Variants in ITGB3 observed in about 807,000 individuals in gnomAD.
The protein encoded by ITGB3 is integrin subunit beta 3, also known as integrin beta-3.
ITGB3 carries 48 observed loss-of-function variants against 85.8 expected under a neutral mutation model. The ratio of observed to expected loss-of-function variants is 0.56; its 90% CI spans 0.44 to 0.71. ITGB3 has a LOEUF of 0.71. Among genes scored for constraint, ITGB3 ranks in the 30% least tolerant of loss-of-function variants. ITGB3 has a pLI of 0.00. For missense variants in ITGB3, 861 were observed against 1,019.1 expected (o/e 0.84, Z 2.11); for synonymous variants, 363 against 395.6 (o/e 0.92, Z 0.98).
In ITGB3 at chr17:47,304,231, C is replaced by T. The variant is rs550569519; in HGVS notation, c.2134+1391C>T. On this transcript the variant is annotated intron_variant, in intron 13 of 14. Transcript: ENST00000559488. The stretch of plus-strand genomic sequence containing the variant: ...GTTGTTGCTCTGGAATTCTAGGCTC[C>T]GCCTCCCTGCTCATCTCCCAGCTCC... Among the ~76,000 whole-genome samples the T allele has an allele frequency of 5.1e-4, 78 of 152,300 alleles. 1 individual carries two copies. In the Middle Eastern group the frequency reaches 0.02, roughly 40 times the overall value.
rs1302899497 is a variant in ITGB3 at position 47,261,022 on chromosome 17, C to T, written c.79+7082C>T. ...CAGCAATTTTCAGGTAGATGACATA[C>T]GGTTATTAACTATAGTCACCATGTT... On this transcript the variant is annotated intron_variant, in intron 1 of 14. Coordinates refer to ENST00000559488, the MANE Select transcript of ITGB3 (RefSeq NM_000212.3). Among the ~76,000 whole-genome samples, 10 of 152,256 alleles carry T rather than the reference C, an allele frequency of 6.6e-5. No individual in the cohort carries two copies. The East Asian group carries it at 1.5e-3, about 23-fold the overall frequency.
At chr17:47,309,702 T>C (rs1294846583) in intron 14 of ITGB3, among the ~76,000 whole-genome samples, 1 of 151,854 alleles carries the variant, frequency 6.6e-6, no homozygotes, top group African/African-American at 2.4e-5. Context: ...GAGACCAGCC[T>C]GGGCAACATG....
chr17:47,277,160 A>G (rs1345412213), intron 2 of ITGB3, among the ~76,000 whole-genome samples: 1 of 152,078 alleles, frequency 6.6e-6, no homozygotes, highest in Non-Finnish European at 1.5e-5. Flanking sequence ...TCTGGTCCAT[A>G]AATCTAGCAA....
chr17:47,295,209 G>A (rs1246949333), intron 10 of ITGB3, among the ~76,000 whole-genome samples: 3 of 152,160 alleles, frequency 2.0e-5, no homozygotes, highest in African/African-American at 4.8e-5. Context: ...CCACTGGAGC[G>A]AGACTTGACT....
At chr17:47,255,645 C>T (rs924233351) in intron 1 of ITGB3, among the ~76,000 whole-genome samples, 1 of 152,100 alleles carries the variant, frequency 6.6e-6, no homozygotes, top group Non-Finnish European at 1.5e-5. Flanking sequence ...TGATCTCGAT[C>T]TCTTGACCCC....
chr17:47,280,079 G>T (rs963377507), intron 2 of ITGB3: 1 of 152,260 alleles, frequency 6.6e-6, no homozygotes, highest in Non-Finnish European at 1.5e-5. Context: ...CCCTGTTGGA[G>T]TATTTGCCAC....
chr17:47,285,323 A>G (rs1302079755), intron 4 of ITGB3, among the ~76,000 whole-genome samples: 2 of 152,216 alleles, frequency 1.3e-5, no homozygotes, highest in Non-Finnish European at 2.9e-5. Context: ...TTAGTTTTCA[A>G]AGTTACGGCC....
chr17:47,265,809 A>C (rs1406462068), intron 1 of ITGB3, among the ~76,000 whole-genome samples: 1 of 152,202 alleles, frequency 6.6e-6, no homozygotes, highest in Non-Finnish European at 1.5e-5. Context: ...AAACAGTTTT[A>C]AATCTCTAAA....
In ITGB3 at chr17:47,313,034, C is replaced by T. The variant is rs1456536209; in HGVS notation, c.*2830C>T. Among the ~76,000 whole-genome samples, 1 of 152,166 alleles carries T rather than the reference C, an allele frequency of 6.6e-6. No individual in the cohort carries two copies. Among genetic ancestry groups the T allele is most frequent in the African/African-American group, 2.4e-5 (1 of 41,432 alleles). ...TGTTGCCCAAGCTGGAATGCAATGG[C>T]AAGATCTCAGTTCACTGCAATCTCT... is the stretch of plus-strand genomic sequence containing the variant. On this transcript the variant is annotated 3_prime_UTR_variant, in exon 15 of 15. Transcript: ENST00000559488.
At chr17:47,270,738 C>G (rs2065041432) in intron 1 of ITGB3, among the ~76,000 whole-genome samples, 1 of 152,076 alleles carries the variant, frequency 6.6e-6, no homozygotes, top group Non-Finnish European at 1.5e-5. Flanking sequence ...TAAAGGCATC[C>G]CACTTGTAGA....
intron 4 of ITGB3, among the ~76,000 whole-genome samples, chr17:47,285,402 A>T (rs2065098895): frequency 6.6e-6 from 1 of 152,160 alleles, no homozygotes; most frequent in East Asian, 1.9e-4. Flanking sequence ...ACTTGAGCCT[A>T]GGAGTTTGAG....
At chr17:47,263,716 C>T (rs979541488) in intron 1 of ITGB3, among the ~76,000 whole-genome samples, 5 of 152,194 alleles carry the variant, frequency 3.3e-5, no homozygotes, top group Non-Finnish European at 5.9e-5. Context: ...TCTTGAACTC[C>T]TGACCTCAGG....
intron 9 of ITGB3, chr17:47,291,635 G>A: frequency 3.5e-6 from 1 of 282,500 alleles, no homozygotes; most frequent in South Asian, 4.3e-5. Flanking sequence ...TGTCTCTCAG[G>A]CACTTGTGCA....
intron 3 of ITGB3, 144 bp downstream of exon 3, chr17:47,283,693 A>G: frequency 1.3e-6 from 1 of 768,248 alleles, no homozygotes; most frequent in Non-Finnish European, 2.2e-6. Flanking sequence ...GGTGTGGGCA[A>G]GAGAATGGAA....
At chr17:47,300,340 C>CGTGTGTGTGTGTGT (rs781123948) in intron 11 of ITGB3, 138 bp from the exon 12 acceptor site, 65 of 508,274 alleles carry the variant, frequency 1.3e-4, no homozygotes, top group African/African-American at 4.7e-4. Context: ...TACAGGCGCG[C>CGTGTGTGTGTGTGT]GCGCGCGTGT....
At chr17:47,306,899 C>T (rs1342425168) in intron 13 of ITGB3, among the ~76,000 whole-genome samples, 10 of 152,166 alleles carry the variant, frequency 6.6e-5, no homozygotes, top group African/African-American at 2.4e-4. Flanking sequence ...AGGCTGGTCT[C>T]AAACTCCTGA....
intron 2 of ITGB3, chr17:47,279,527 T>C (rs2065075782): frequency 6.6e-6 from 1 of 152,240 alleles, no homozygotes; most frequent in South Asian, 2.1e-4. Flanking sequence ...GGAGGCAGTT[T>C]TGTTTTTCAG....
chr17:47,286,534 G>A, intron 5 of ITGB3, 112 bp downstream of exon 5: 2 of 1,313,226 alleles, frequency 1.5e-6, no homozygotes, highest in Admixed American at 1.7e-5. Flanking sequence ...AACTAAGCAG[G>A]GCTTCCTGCA....
chr17:47,277,069 A>G (rs776489769), intron 2 of ITGB3, among the ~76,000 whole-genome samples: 6 of 152,124 alleles, frequency 3.9e-5, no homozygotes, highest in Non-Finnish European at 8.8e-5. Context: ...AACGTGGATG[A>G]GCACGGAGTT....
Sources: gnomAD v4.1 joint callset for allele counts (sites outside exome capture counted in the v4.1 genomes callset) on GRCh38, gnomAD v4.1.1 for gene constraint, MANE v1.5 for transcripts, NCBI Gene and HGNC (gene_info 2026-07-23, HGNC 2026-07-21) for gene names.